The following SPCS3 variants were observed in gnomAD, a reference collection of about 807,000 sequenced individuals.
SPCS3 encodes SPase 22 kDa subunit.
Under a neutral mutation model 17.2 loss-of-function variants are expected in SPCS3, and 9 were observed. The ratio of observed to expected loss-of-function variants is 0.52; its 90% CI spans 0.31 to 0.91. The LOEUF is 0.91. Ranked by LOEUF, SPCS3 falls within the 40% of genes least tolerant of loss-of-function variation. The probability of loss-of-function intolerance (pLI) is 0.04; values close to 1 mark genes in which losing one functional copy is unlikely to be tolerated. For synonymous variants in SPCS3, 87 were observed against 89.6 expected, an observed-to-expected ratio of 0.97 and a Z score of 0.16; for missense variants, 139 against 217.5, an observed-to-expected ratio of 0.64 and a Z score of 2.27.
chr4:176,322,456 A>C (rs2127000060), intron 2 of SPCS3, among the ~76,000 whole-genome samples: 1 of 152,286 alleles, frequency 6.6e-6, no homozygotes, highest in Non-Finnish European at 1.5e-5. Context: ...ACATACTTTA[A>C]ATTCTTAACC....
rs939875811 is a variant in SPCS3 at position 176,330,153 on chromosome 4, G to A, written c.*1823G>A. On this transcript the variant is annotated 3_prime_UTR_variant, in exon 5 of 5. Transcript: ENST00000503362. ...GCAAAGAGATTGAACAAAAAAGCAC[G>A]TTAGTAATATGAAGACAGGAAAACG... 1.3e-4 allele frequency: 20 copies of A among 152,128 alleles called. No individual in the cohort carries two copies. Among genetic ancestry groups the A allele is most frequent in the African/African-American group, 4.3e-4 (18 of 41,422 alleles). The allele number at this position is 152,128 out of a possible 1,614,324, so 9.4% of individuals were successfully genotyped here. A position where few individuals can be genotyped will look rare whatever the true frequency, so the allele number is the denominator to read the frequency against.
In SPCS3 at chr4:176,324,234, G is replaced by A. The variant is rs1395919189; in HGVS notation, c.271G>A (p.Ala91Thr). 3.5e-6 allele frequency: 4 copies of A among 1,159,172 alleles called. No individual in the cohort carries two copies. The highest frequency in any genetic ancestry group is 1.2e-6 in the Non-Finnish European group (1 of 839,782). The allele number at this position is 1,159,172 out of a possible 1,614,324, so 71.8% of individuals were successfully genotyped here. ...TAAGCAGTTGTTTCTTTATTTATCAGCAGAATATTCAACAAAAAATAATGT... is the reference window on the plus strand; with the variant it reads ...TAAGCAGTTGTTTCTTTATTTATCAACAGAATATTCAACAAAAAATAATGT... ...NVKQLFLYLS[A>T]EYSTKNNALN... The change falls in exon 3 of 5, where the codon GCA (alanine) becomes ACA (threonine). Residue 91 changes from alanine (A) to threonine (T), a missense_variant. Ala to Thr is a moderately conservative substitution (Grantham distance 58, BLOSUM62 0). Coordinates refer to ENST00000503362, the MANE Select transcript of SPCS3 (RefSeq NM_021928.4).
rs1279274305 is a variant in SPCS3 at position 176,330,818 on chromosome 4, G to A, written c.*2488G>A. 1.3e-5 allele frequency: 2 copies of A among 152,146 alleles called. No homozygotes were observed. The highest frequency in any genetic ancestry group is 6.5e-5 in the Admixed American group (1 of 15,282). 9.4% of individuals were successfully genotyped at this position (152,146 alleles called of 1,614,324 possible). A position where few individuals can be genotyped will look rare whatever the true frequency, so the allele number is the denominator to read the frequency against. ...TGATTCTGAGAAAAGAGAATAATTT[G>A]AAGACACTTATTTAAAAGTAATTAT... On this transcript the variant is annotated 3_prime_UTR_variant, in exon 5 of 5. Transcript: ENST00000503362.
At chr4:176,322,323 G>C (rs970722125) in intron 2 of SPCS3, 80 bp downstream of exon 2, 9 of 975,742 alleles carry the variant, frequency 9.2e-6, no homozygotes, top group Non-Finnish European at 9.4e-6. Context: ...TTGGGATACA[G>C]TGTGACTATC....
intron 1 of SPCS3, chr4:176,320,985 A>G (rs1236990867): frequency 6.6e-6 from 1 of 152,078 alleles, no homozygotes; most frequent in Non-Finnish European, 1.5e-5. Context: ...GCTATTGCCT[A>G]TTTTGTCCTT....
intron 2 of SPCS3, among the ~76,000 whole-genome samples, chr4:176,323,528 A>G (rs565422050): frequency 7.9e-5 from 12 of 151,772 alleles, no homozygotes; most frequent in Non-Finnish European, 1.3e-4. Context: ...AAAATGAGTT[A>G]ACTTAACAAT....
intron 1 of SPCS3, chr4:176,320,905 C>A (rs1731529229): frequency 6.6e-6 from 1 of 152,152 alleles, no homozygotes; most frequent in Non-Finnish European, 1.5e-5. Context: ...ATTTCTTTTT[C>A]TTTTGCCAAC....
rs1227396898 is a variant in SPCS3 at position 176,331,581 on chromosome 4, C to G, written c.*3251C>G. On this transcript the variant is annotated 3_prime_UTR_variant, in exon 5 of 5. Coordinates refer to ENST00000503362, the MANE Select transcript of SPCS3 (RefSeq NM_021928.4). ...ACATATGTTTGAGGATTTTTCTTTTCCTTTTTAAATTTTTTTATTTTTTCT... is the reference window on the plus strand; with the variant it reads ...ACATATGTTTGAGGATTTTTCTTTTGCTTTTTAAATTTTTTTATTTTTTCT... The G allele has an allele frequency of 6.6e-6, 1 of 152,008 alleles. No individual in the cohort carries two copies. Among genetic ancestry groups the G allele is most frequent in the African/African-American group, 2.4e-5 (1 of 41,402 alleles). 9.4% of individuals were successfully genotyped at this position (152,008 alleles called of 1,614,324 possible).
At chr4:176,324,521 A>T (rs71613788) in intron 3 of SPCS3, among the ~76,000 whole-genome samples, 10,077 of 152,272 alleles carry the variant, frequency 0.066, 376 homozygotes, top group African/African-American at 0.09. Flanking sequence ...CTATATGAAC[A>T]GACGTTAATG....
At position 176,323,031 on chromosome 4, in the gene SPCS3, A is replaced by G. The variant is rs1206974532; in HGVS notation, c.217+788A>G. ...GTACCTGTCTGAACAGTTAAAGCTG[A>G]TCATATACTTGGGGAATTTATCTAA... On this transcript the variant is annotated intron_variant, in intron 2 of 4. Transcript: ENST00000503362. 2.6e-5 allele frequency among the ~76,000 whole-genome samples: 4 copies of G among 152,274 alleles called. No individual in the cohort carries two copies. The South Asian group carries it at 8.3e-4, about 32-fold the overall frequency.
At chr4:176,328,077 A>G in intron 4 of SPCS3, 121 bp from the exon 5 acceptor site, 1 of 893,614 alleles carries the variant, frequency 1.1e-6, no homozygotes, top group Non-Finnish European at 1.7e-6. Flanking sequence ...TTAACATATT[A>G]GGATTTCTGT....
chr4:176,320,559 C>G (rs925031127), intron 1 of SPCS3: 37 of 158,024 alleles, frequency 2.3e-4, no homozygotes, highest in Non-Finnish European at 4.0e-4. Context: ...ACAGCAGAGC[C>G]GGCGCCGCCG....
At position 176,328,592 on chromosome 4, in the gene SPCS3, TTG is replaced by T. The variant is rs1731641369; in HGVS notation, c.*264_*265del. The T allele has an allele frequency of 4.8e-6, 1 of 208,436 alleles. No homozygotes were observed. Among genetic ancestry groups the T allele is most frequent in the Non-Finnish European group, 9.5e-6 (1 of 105,318 alleles). The allele number at this position is 208,436 out of a possible 1,614,324, so 12.9% of individuals were successfully genotyped here. ...AGAATAAGAACTACATAAAACAGAT[TTG>T]TAAAAAATACATATTTGAAGTATTC... is the stretch of plus-strand genomic sequence containing the variant. On this transcript the variant is annotated 3_prime_UTR_variant, in exon 5 of 5. Transcript: ENST00000503362.
rs961499914 is a variant in SPCS3, at chr4:176,330,365, C to T, written c.*2035C>T. The T allele has an allele frequency of 1.2e-4, 18 of 152,266 alleles. No homozygotes were observed. In the East Asian group the frequency reaches 3.5e-3, roughly 29 times the overall value. The allele number at this position is 152,266 out of a possible 1,614,324, so 9.4% of individuals were successfully genotyped here. ...TGTGCGATAAGCCTGCAGTCTTAAC[C>T]AGACCTGGTACCAGTTTAACAGTTC... is the stretch of plus-strand genomic sequence containing the variant. On this transcript the variant is annotated 3_prime_UTR_variant, in exon 5 of 5. Transcript: ENST00000503362.
chr4:176,326,663 A>G (rs929156028), intron 3 of SPCS3, among the ~76,000 whole-genome samples: 23 of 152,336 alleles, frequency 1.5e-4, no homozygotes, highest in African/African-American at 5.5e-4. Flanking sequence ...AAGATTTCTT[A>G]TAAATTTTCA....
At position 176,328,518 on chromosome 4, in the gene SPCS3, A is replaced by G. The variant is rs1379427804; in HGVS notation, c.*188A>G. 1 of 353,552 alleles carries G rather than the reference A, an allele frequency of 2.8e-6. No homozygotes were observed. The highest frequency in any genetic ancestry group is 4.8e-5 in the Admixed American group (1 of 21,046). 21.9% of individuals were successfully genotyped at this position (353,552 alleles called of 1,614,324 possible). A position where few individuals can be genotyped will look rare whatever the true frequency, so the allele number is the denominator to read the frequency against. Reference sequence around the variant, plus strand: ...AAAGGTTAATGGGCTACTTAATATTATGAACAAAACAAAAAAACAAGGCTG... The same window carrying G: ...AAAGGTTAATGGGCTACTTAATATTGTGAACAAAACAAAAAAACAAGGCTG... On this transcript the variant is annotated 3_prime_UTR_variant, in exon 5 of 5. Transcript: ENST00000503362.
chr4:176,328,390 C>G lies in SPCS3; in HGVS notation c.*60C>G. ...TTAATGAATTGTATCTCATTAATCT[C>G]TTCCCTTACATCTTCATGTATTGTT... On this transcript the variant is annotated 3_prime_UTR_variant, in exon 5 of 5. Coordinates refer to ENST00000503362, the MANE Select transcript of SPCS3 (RefSeq NM_021928.4). The G allele has an allele frequency of 7.9e-7, 1 of 1,271,252 alleles. No individual in the cohort carries two copies. The highest frequency in any genetic ancestry group is 1.9e-5 in the South Asian group (1 of 52,766). 78.7% of individuals were successfully genotyped at this position (1,271,252 alleles called of 1,614,324 possible).
chr4:176,325,201 G>A (rs765154679), intron 3 of SPCS3, among the ~76,000 whole-genome samples: 6 of 151,258 alleles, frequency 4.0e-5, no homozygotes, highest in South Asian at 4.2e-4. Flanking sequence ...GATTACAGGC[G>A]CCTGCCACCA....
chr4:176,326,944 T>C (rs1731615289), intron 3 of SPCS3: 1 of 370,726 alleles, frequency 2.7e-6, no homozygotes, highest in African/African-American at 2.2e-5. Context: ...GCAGAAGGAA[T>C]GAACTCCTTC....
Sources: gnomAD v4.1 joint callset for allele counts (sites outside exome capture counted in the v4.1 genomes callset) on GRCh38, gnomAD v4.1.1 for gene constraint, MANE v1.5 for transcripts, NCBI Gene and HGNC (gene_info 2026-07-23, HGNC 2026-07-21) for gene names.